PCDH9: variants seen among roughly 807,000 people sequenced by gnomAD.
The protein encoded by PCDH9 is protocadherin-9.
PCDH9 carries 24 observed loss-of-function variants against 70.6 expected under a neutral mutation model. The observed-to-expected ratio is 0.34, with a 90% CI of 0.25 to 0.48. The LOEUF (loss-of-function observed/expected upper bound fraction) is 0.48. Among genes scored for constraint, PCDH9 ranks in the 20% least tolerant of loss-of-function variants. PCDH9 has a pLI of 0.99. For synonymous variants in PCDH9, 562 were observed against 558.5 expected (o/e 1.01, Z -0.09); for missense variants, 1,281 against 1,503.6 (o/e 0.85, Z 2.45).
At chr13:67,012,027 G>A (rs2084460986) in intron 2 of PCDH9, among the ~76,000 whole-genome samples, 1 of 151,876 alleles carries the variant, frequency 6.6e-6, no homozygotes, top group Admixed American at 6.6e-5. Flanking sequence ...GCCTTGAATA[G>A]AGTATCCTAT....
chr13:66,636,617 T>G (rs941044728), intron 3 of PCDH9, among the ~76,000 whole-genome samples: 2 of 152,158 alleles, frequency 1.3e-5, no homozygotes, highest in Non-Finnish European at 2.9e-5. Flanking sequence ...AAATATGATT[T>G]TATGTATAGA....
At chr13:67,118,227 T>C (rs1250700417) in intron 2 of PCDH9, among the ~76,000 whole-genome samples, 3 of 152,118 alleles carry the variant, frequency 2.0e-5, no homozygotes, top group Admixed American at 1.3e-4. Flanking sequence ...TTACCTTCAT[T>C]AGAGTAAATG....
intron 2 of PCDH9, among the ~76,000 whole-genome samples, chr13:67,032,983 CCTT>C (rs991654457): frequency 5.1e-5 from 7 of 136,244 alleles, no homozygotes; most frequent in African/African-American, 2.1e-4. Context: ...TCTAATTTGT[CCTT>C]TTTTTTTTCT....
At chr13:66,387,989 TAA>T (rs1956958495) in intron 4 of PCDH9, among the ~76,000 whole-genome samples, 1 of 152,196 alleles carries the variant, frequency 6.6e-6, no homozygotes. Context: ...CGGCAGTTTT[TAA>T]AAGTCAGCTT....
intron 4 of PCDH9, among the ~76,000 whole-genome samples, chr13:66,623,479 C>T (rs1169984215): frequency 2.0e-5 from 3 of 152,046 alleles, no homozygotes; most frequent in Non-Finnish European, 4.4e-5. Context: ...TGTCATTTCA[C>T]CTGGGCTGGA....
intron 3 of PCDH9, among the ~76,000 whole-genome samples, chr13:66,785,415 A>G (rs1285384855): frequency 6.6e-6 from 1 of 151,942 alleles, no homozygotes; most frequent in East Asian, 1.9e-4. Context: ...CCTTTACTCA[A>G]AAAGGTCACT....
chr13:66,406,682 A>G (rs1404524121), intron 4 of PCDH9, among the ~76,000 whole-genome samples: 2 of 152,200 alleles, frequency 1.3e-5, no homozygotes, highest in Non-Finnish European at 2.9e-5. Context: ...TGCATTACTT[A>G]GAACTTAAAC....
At chr13:66,622,577 C>T (rs1488987080) in intron 4 of PCDH9, among the ~76,000 whole-genome samples, 2 of 152,216 alleles carry the variant, frequency 1.3e-5, no homozygotes, top group Non-Finnish European at 2.9e-5. Flanking sequence ...TCTAGCTACT[C>T]TGGTGGGGAC....
chr13:66,861,686 C>T (rs988373635), intron 3 of PCDH9, among the ~76,000 whole-genome samples: 11 of 152,116 alleles, frequency 7.2e-5, no homozygotes, highest in African/African-American at 2.7e-4. Context: ...GGCCATGTTG[C>T]TTCCATTACA....
At chr13:66,481,318 A>G (rs1387957478) in intron 4 of PCDH9, among the ~76,000 whole-genome samples, 1 of 147,142 alleles carries the variant, frequency 6.8e-6, no homozygotes, top group African/African-American at 2.5e-5. Context: ...AAAAAAAAAG[A>G]AACTGCCATG....
chr13:66,349,074 A>T (rs1030326316), intron 4 of PCDH9, among the ~76,000 whole-genome samples: 5 of 152,174 alleles, frequency 3.3e-5, no homozygotes, highest in African/African-American at 1.2e-4. Flanking sequence ...ATCCTCAATC[A>T]GAAACTGCAG....
chr13:67,214,973 T>TATGTATATA (rs56334218), intron 2 of PCDH9: 1 of 126,396 alleles, frequency 7.9e-6, no homozygotes, highest in Admixed American at 8.3e-5. Context: ...TATATATATA[T>TATGTATATA]TCACTTAATC....
chr13:66,542,688 G>A (rs956623723), intron 4 of PCDH9, among the ~76,000 whole-genome samples: 2 of 76,664 alleles, frequency 2.6e-5, no homozygotes, highest in Non-Finnish European at 6.8e-5. Flanking sequence ...ATATATATAT[G>A]TTTAAATATA....
chr13:66,720,102 G>A (rs1286861343), intron 3 of PCDH9, among the ~76,000 whole-genome samples: 2 of 152,004 alleles, frequency 1.3e-5, no homozygotes, highest in African/African-American at 4.8e-5. Context: ...ATTAAATGTT[G>A]TTAACTGTAT....
chr13:66,959,750 C>CA (rs5804305), intron 2 of PCDH9, among the ~76,000 whole-genome samples: 46 of 129,226 alleles, frequency 3.6e-4, no homozygotes, highest in South Asian at 1.0e-3. Context: ...GACCCCGTCT[C>CA]AAAAAAAAAA....
chr13:67,217,089 G>A (rs2089625022), intron 2 of PCDH9: 1 of 151,994 alleles, frequency 6.6e-6, no homozygotes, highest in Non-Finnish European at 1.5e-5. Flanking sequence ...CTATCACACA[G>A]AGGCACAGAT....
chr13:66,414,353 G>C (rs760660435), intron 4 of PCDH9, among the ~76,000 whole-genome samples: 17 of 152,220 alleles, frequency 1.1e-4, no homozygotes, highest in Non-Finnish European at 4.4e-5. Flanking sequence ...GAATAAAGTA[G>C]TGTCTGGTGA....
chr13:67,013,658 T>A (rs945711682), intron 2 of PCDH9, among the ~76,000 whole-genome samples: 1 of 151,948 alleles, frequency 6.6e-6, no homozygotes, highest in Non-Finnish European at 1.5e-5. Context: ...TGCTCACTTA[T>A]CATTCCTCAG....
At chr13:66,529,743 G>A (rs1960367289) in intron 4 of PCDH9, among the ~76,000 whole-genome samples, 1 of 151,680 alleles carries the variant, frequency 6.6e-6, no homozygotes, top group Admixed American at 6.6e-5. Context: ...CAGGTAGTAT[G>A]TATCTATGAC....
Sources: allele counts gnomAD v4.1 joint callset (sites outside exome capture counted in the v4.1 genomes callset), GRCh38; gene constraint gnomAD v4.1.1; transcripts MANE v1.5; gene names NCBI Gene and HGNC (gene_info 2026-07-23, HGNC 2026-07-21).